VPS13B: variants seen among roughly 807,000 people sequenced by gnomAD.
VPS13B encodes vacuolar protein sorting 13 homolog B.
A neutral mutation model predicts 426.4 loss-of-function variants in VPS13B; 285 were observed. The ratio of observed to expected loss-of-function variants is 0.67; its 90% CI spans 0.61 to 0.74. The LOEUF (loss-of-function observed/expected upper bound fraction) is 0.74, where lower values mean the gene tolerates loss of function less well. Among genes scored for constraint, VPS13B ranks in the 30% least tolerant of loss-of-function variants. The pLI, the probability that VPS13B is intolerant of heterozygous loss-of-function variation, is 0.00. For synonymous variants in VPS13B, 1,676 were observed against 1,676.4 expected (o/e 1.00, Z 0.01); for missense variants, 4,537 against 4,782.6 (o/e 0.95, Z 1.51).
At position 99,501,001 on chromosome 8, in the gene VPS13B, C is replaced by T. The variant is rs1209558455; in HGVS notation, c.3871-686C>T. On this transcript the variant is annotated intron_variant, in intron 25 of 61. Transcript: ENST00000357162. ...AGAGTTCAGTATGTATTTGTTGAATCGGATAAGCTTATGCTCTATTCCACT... is the reference window on the plus strand; with the variant it reads ...AGAGTTCAGTATGTATTTGTTGAATTGGATAAGCTTATGCTCTATTCCACT... Among the ~76,000 whole-genome samples, 7 of 152,234 alleles carry T rather than the reference C, an allele frequency of 4.6e-5. No homozygotes were observed. The South Asian group carries it at 1.5e-3, about 32-fold the overall frequency.
chr8:99,304,706 A>G (rs1232846956), intron 19 of VPS13B, among the ~76,000 whole-genome samples: 2 of 152,158 alleles, frequency 1.3e-5, no homozygotes, highest in South Asian at 2.1e-4. Context: ...GAATGGTAGT[A>G]TTATCAGTCA....
intron 33 of VPS13B, among the ~76,000 whole-genome samples, chr8:99,601,657 G>A (rs1359056990): frequency 3.3e-5 from 5 of 152,024 alleles, no homozygotes; most frequent in Admixed American, 6.6e-5. Flanking sequence ...CCTCCACACC[G>A]TCTGTTGTTT....
chr8:99,771,625 G>T (rs890414806), intron 40 of VPS13B, among the ~76,000 whole-genome samples: 1 of 152,132 alleles, frequency 6.6e-6, no homozygotes, highest in Non-Finnish European at 1.5e-5. Context: ...TATAGACAGT[G>T]GAGGAATCAG....
At chr8:99,408,571 C>T (rs2133352098) in intron 21 of VPS13B, among the ~76,000 whole-genome samples, 1 of 152,212 alleles carries the variant, frequency 6.6e-6, no homozygotes, top group South Asian at 2.1e-4. Flanking sequence ...AAGAGTTTTG[C>T]TTTGGCTATG....
chr8:99,017,528 T>TCTA (rs1194486332), intron 2 of VPS13B, among the ~76,000 whole-genome samples: 4 of 151,984 alleles, frequency 2.6e-5, no homozygotes, highest in African/African-American at 9.7e-5. Flanking sequence ...AGAGTCTTGC[T>TCTA]CTGTAGCCCA....
chr8:99,331,544 A>T (rs1810543038), intron 19 of VPS13B, among the ~76,000 whole-genome samples: 2 of 151,854 alleles, frequency 1.3e-5, no homozygotes, highest in South Asian at 4.1e-4. Flanking sequence ...TGAATTGCTA[A>T]AAAACTGATA....
intron 24 of VPS13B, among the ~76,000 whole-genome samples, chr8:99,472,516 A>G (rs1169909313): frequency 2.0e-5 from 3 of 151,964 alleles, no homozygotes; most frequent in African/African-American, 7.2e-5. Flanking sequence ...GACACTAAAA[A>G]AAAACTGGAT....
intron 50 of VPS13B, 138 bp downstream of exon 50, chr8:99,821,620 CTT>C: frequency 9.5e-7 from 1 of 1,052,862 alleles, no homozygotes; most frequent in South Asian, 1.4e-5. Context: ...CATTTGATTT[CTT>C]AACTTCTTAG....
chr8:99,697,739 G>A (rs749899457), intron 35 of VPS13B: 50 of 622,628 alleles, frequency 8.0e-5, no homozygotes, highest in Non-Finnish European at 9.7e-5. Context: ...GGCCTAGGGC[G>A]CGCCCGTAGG....
intron 23 of VPS13B, among the ~76,000 whole-genome samples, chr8:99,462,956 C>T (rs950344209): frequency 2.0e-5 from 3 of 152,172 alleles, no homozygotes; most frequent in Admixed American, 6.6e-5. Context: ...AGATGGATGT[C>T]TATTGTTTAA....
rs999247733 is a variant in VPS13B, at chr8:99,821,213, T to TA, written c.8995-71dup. 3.3e-4 allele frequency: 434 copies of TA among 1,305,652 alleles called. No individual in the cohort carries two copies. In the East Asian group the frequency reaches 6.9e-3, roughly 21 times the overall value. 80.9% of individuals were successfully genotyped at this position (1,305,652 alleles called of 1,614,324 possible). A position where few individuals can be genotyped will look rare whatever the true frequency, so the allele number is the denominator to read the frequency against. On this transcript the variant is annotated intron_variant, in intron 49 of 61. Coordinates refer to ENST00000357162, the MANE Select transcript of VPS13B (RefSeq NM_152564.5). ...CCTTAGTAGACCTATTATATAATAT[T>TA]AAAAAAAAAATCCTGAGGATTGAAG...
intron 17 of VPS13B, among the ~76,000 whole-genome samples, chr8:99,232,792 T>G (rs1816410421): frequency 6.6e-6 from 1 of 152,126 alleles, no homozygotes; most frequent in Non-Finnish European, 1.5e-5. Flanking sequence ...GTGAAGTGGA[T>G]TGCTGAAGCT....
intron 30 of VPS13B, among the ~76,000 whole-genome samples, chr8:99,556,141 A>G (rs1015111925): frequency 2.6e-5 from 4 of 152,180 alleles, no homozygotes; most frequent in African/African-American, 9.6e-5. Flanking sequence ...CATAAAATAG[A>G]ACCTCAGAGC....
chr8:99,460,567 G>T (rs1185738444), intron 23 of VPS13B, among the ~76,000 whole-genome samples: 1 of 152,080 alleles, frequency 6.6e-6, no homozygotes, highest in Non-Finnish European at 1.5e-5. Flanking sequence ...ATTTCTTTCT[G>T]TACATTGGAG....
intron 34 of VPS13B, among the ~76,000 whole-genome samples, chr8:99,643,191 C>A (rs543591117): frequency 2.6e-5 from 4 of 152,216 alleles, no homozygotes; most frequent in African/African-American, 9.6e-5. Context: ...TGACAGTATA[C>A]CCTTTCCCTG....
At position 99,429,974 on chromosome 8, in the gene VPS13B, A is replaced by G. The variant is rs141681846; in HGVS notation, c.3083-1563A>G. ...TTCTCACCCTTGCTCACTCTGCTGA[A>G]GCCATCTTTGCCTCCATACTTTGCT... On this transcript the variant is annotated intron_variant, in intron 21 of 61. Transcript: ENST00000357162. Among the ~76,000 whole-genome samples, 414 of 152,206 alleles carry G rather than the reference A, an allele frequency of 2.7e-3. 6 individuals carry two copies. The highest frequency in any genetic ancestry group is 0.019 in the South Asian group (92 of 4,824).
chr8:99,425,374 A>C (rs1816636393), intron 21 of VPS13B, among the ~76,000 whole-genome samples: 1 of 152,194 alleles, frequency 6.6e-6, no homozygotes, highest in Non-Finnish European at 1.5e-5. Flanking sequence ...ACCATGATCA[A>C]GTGGGCTTCA....
chr8:99,053,352 C>G (rs1843665047), intron 3 of VPS13B, among the ~76,000 whole-genome samples: 1 of 151,986 alleles, frequency 6.6e-6, no homozygotes, highest in Non-Finnish European at 1.5e-5. Context: ...CATGTGTTCT[C>G]ATTGTTCAAT....
chr8:99,764,474 C>T (rs534843389), intron 39 of VPS13B, among the ~76,000 whole-genome samples: 118 of 135,380 alleles, frequency 8.7e-4, no homozygotes, highest in Admixed American at 1.5e-3. Flanking sequence ...AGTGCAGTGG[C>T]GCGATCTTGG....
Sources: allele counts gnomAD v4.1 joint callset (sites outside exome capture counted in the v4.1 genomes callset), GRCh38; gene constraint gnomAD v4.1.1; transcripts MANE v1.5; gene names NCBI Gene and HGNC (gene_info 2026-07-23, HGNC 2026-07-21).